The following ABCF3 variants were observed in gnomAD, a reference collection of about 807,000 sequenced individuals.
ABCF3 encodes ATP-binding cassette sub-family F member 3.
A neutral mutation model predicts 94.3 loss-of-function variants in ABCF3; 62 were observed. The observed-to-expected ratio is 0.66, with a 90% confidence interval of 0.54 to 0.81. The LOEUF is 0.81. ABCF3 is among the 40% of genes least tolerant of loss of function. ABCF3 has a pLI of 0.00. For missense variants in ABCF3, 843 were observed against 925.3 expected (o/e 0.91, Z 1.15); for synonymous variants, 355 against 361.1 (o/e 0.98, Z 0.19).
At chr3:184,190,042 A>T in intron 14 of ABCF3, 111 bp downstream of exon 14, 2 of 1,131,838 alleles carry the variant, frequency 1.8e-6, no homozygotes, top group South Asian at 2.6e-5. Flanking sequence ...CTAGAAGCCA[A>T]CTGTGACTTC....
rs769709521 is a variant in ABCF3, at chr3:184,189,772, A to G, written c.1314+15A>G. The G allele has an allele frequency of 1.2e-6, 2 of 1,613,808 alleles. No homozygotes were observed. The highest frequency in any genetic ancestry group is 2.7e-5 in the African/African-American group (2 of 74,950). On this transcript the variant is annotated intron_variant, in intron 13 of 20. Coordinates refer to ENST00000429586, the MANE Select transcript of ABCF3 (RefSeq NM_018358.3). ...AGCACATCCAGGTGTGGGGCCTGGC[A>G]GGGCTGGGGGTCCCATCCCAGGGGT... is the stretch of plus-strand genomic sequence containing the variant.
rs751219521 is a variant in ABCF3, at chr3:184,188,303, T to C, written c.732T>C (p.Ala244=). Residue 244 remains alanine (A), a synonymous_variant, in exon 7 of 21, where the codon GCT becomes GCC. Transcript: ENST00000429586. Reference sequence around the variant, plus strand: ...TGCTGCACGTTGAGCAAGAGGTTGCTGGAGATGACACTCCTGCCCTGCAGA... The same window carrying C: ...TGCTGCACGTTGAGCAAGAGGTTGCCGGAGATGACACTCCTGCCCTGCAGA... ...ISLLHVEQEV[A]GDDTPALQSV... is the part of the protein sequence containing the mutation. 1.2e-6 allele frequency: 2 copies of C among 1,614,138 alleles called. No individual in the cohort carries two copies. The highest frequency in any genetic ancestry group is 2.2e-5 in the East Asian group (1 of 44,878).
Position 184,191,285 on chromosome 3 carries a change from C to T in ABCF3, c.1569+30C>T, listed in dbSNP as rs762646496. 1.2e-5 allele frequency: 20 copies of T among 1,612,442 alleles called. No homozygotes were observed. In the South Asian group the frequency reaches 1.3e-4, roughly 11 times the overall value. On this transcript the variant is annotated intron_variant, in intron 16 of 20. Transcript: ENST00000429586. Reference sequence around the variant, plus strand: ...GGCTGCTGTTTCTCTGTGCTGCGAGCTGGGACTCTCCTGTCTAAGTGTGTG... The same window carrying T: ...GGCTGCTGTTTCTCTGTGCTGCGAGTTGGGACTCTCCTGTCTAAGTGTGTG...
intron 3 of ABCF3, 79 bp from the exon 4 acceptor site, chr3:184,187,317 GC>G (rs1560132378): frequency 6.6e-7 from 1 of 1,523,226 alleles, no homozygotes; most frequent in South Asian, 1.1e-5. Context: ...CTGTGTCTGT[GC>G]CTGGTTCCTA....
In ABCF3 at chr3:184,187,861, A is replaced by C. The variant is rs748846804; in HGVS notation, c.447A>C (p.Leu149=). The C allele has an allele frequency of 6.2e-6, 10 of 1,614,014 alleles. No individual in the cohort carries two copies. Among genetic ancestry groups the C allele is most frequent in the Non-Finnish European group, 8.5e-6 (10 of 1,180,050 alleles). The change falls in exon 6 of 21, where the codon CTA becomes CTC. Residue 149 remains leucine, a splice_region_variant and synonymous_variant. Coordinates refer to ENST00000429586, the MANE Select transcript of ABCF3 (RefSeq NM_018358.3). Reference sequence around the variant, plus strand: ...GAGCTGTCCATTTCTCCCTTTAAAGAGTCTTAGAAGAGGCATCAGCCAGCC... The same window carrying C: ...GAGCTGTCCATTTCTCCCTTTAAAGCGTCTTAGAAGAGGCATCAGCCAGCC... ...EKDTLKTSNP[L]VLEEASASQA...
chr3:184,193,133 G>T lies in ABCF3; in HGVS notation c.1782G>T (p.Leu594=). 1 of 1,552,052 alleles carries T rather than the reference G, an allele frequency of 6.4e-7. No homozygotes were observed. The highest frequency in any genetic ancestry group is 1.2e-5 in the South Asian group (1 of 80,110). Residue 594 remains leucine, a synonymous_variant, in exon 19 of 21, where the codon CTG becomes CTT. Coordinates refer to ENST00000429586, the MANE Select transcript of ABCF3 (RefSeq NM_018358.3). The surrounding 1 kb of genome is among the most constrained non-coding windows in gnomAD (Gnocchi z 5.2). ...CTGAGGAGGAGTACCGTCACCAGCTGGGTCGGTATGGCATCTCCGGAGAAC... is the reference window on the plus strand; with the variant it reads ...CTGAGGAGGAGTACCGTCACCAGCTTGGTCGGTATGGCATCTCCGGAGAAC... ...GRPEEEYRHQ[L]GRYGISGELA... is the part of the protein sequence containing the mutation.
chr3:184,190,027 C>T, intron 14 of ABCF3, 96 bp downstream of exon 14: 1 of 1,335,608 alleles, frequency 7.5e-7, no homozygotes. Context: ...TAGGTCTCCC[C>T]TTCGCTAGAA....
In ABCF3 at chr3:184,193,866, C is replaced by A; in HGVS notation, c.*168C>A. The A allele has an allele frequency of 1.1e-6, 1 of 942,376 alleles. No individual in the cohort carries two copies. Among genetic ancestry groups the A allele is most frequent in the Non-Finnish European group, 1.5e-6 (1 of 653,594 alleles). 58.4% of individuals were successfully genotyped at this position (942,376 alleles called of 1,614,324 possible). A position where few individuals can be genotyped will look rare whatever the true frequency, so the allele number is the denominator to read the frequency against. ...AGCATCTTCTGCACAACCTTGGGAGCCCATCCAAGGGTTGGTGAGGACTGG... is the reference window on the plus strand; with the variant it reads ...AGCATCTTCTGCACAACCTTGGGAGACCATCCAAGGGTTGGTGAGGACTGG... On this transcript the variant is annotated 3_prime_UTR_variant, in exon 21 of 21. Coordinates refer to ENST00000429586, the MANE Select transcript of ABCF3 (RefSeq NM_018358.3). The surrounding 1 kb of genome is among the most constrained non-coding windows in gnomAD (Gnocchi z 5.2).
intron 6 of ABCF3, 29 bp downstream of exon 6, chr3:184,188,012 C>G (rs746854914): frequency 1.1e-5 from 17 of 1,613,420 alleles, no homozygotes; most frequent in Admixed American, 1.7e-5. Flanking sequence ...CAGGGGTTGG[C>G]TTTCTTTTTC....
chr3:184,187,811 G>C (rs1358155973), intron 5 of ABCF3, 50 bp downstream of exon 5: 1 of 1,614,132 alleles, frequency 6.2e-7, no homozygotes, highest in Admixed American at 1.7e-5. Flanking sequence ...CTTTTGCCTG[G>C]ACAGAAGGTG....
chr3:184,187,154 T>G, intron 3 of ABCF3: 1 of 634,906 alleles, frequency 1.6e-6, no homozygotes, highest in Non-Finnish European at 2.7e-6. Context: ...ACCAGCTGCA[T>G]GATCTTGTAA....
Position 184,189,128 on chromosome 3 carries a change from C to T in ABCF3, c.1018C>T (p.Arg340Trp), listed in dbSNP as rs150245456. 2.5e-3 allele frequency: 4,049 copies of T among 1,614,156 alleles called. 7 individuals carry two copies. Among genetic ancestry groups the T allele is most frequent in the Non-Finnish European group, 3.2e-3 (3,774 of 1,180,022 alleles). The change falls in exon 10 of 21, where the codon CGG becomes TGG. Residue 340 changes from arginine (R) to tryptophan (W), a missense_variant. By Grantham distance (101) the Arg-to-Trp change is moderately radical. Transcript: ENST00000429586. ...GGWRMRLALA[R>W]ALFARPDLLL... ...CTGGAGGATGAGGCTGGCCCTGGCC[C>T]GGGCCCTCTTTGCTAGGTGAGTCTC... is the stretch of plus-strand genomic sequence containing the variant.
At chr3:184,187,218 G>C (rs1233580297) in intron 3 of ABCF3, 179 bp from the exon 4 acceptor site, 1 of 671,762 alleles carries the variant, frequency 1.5e-6, no homozygotes, top group Non-Finnish European at 2.5e-6. Flanking sequence ...TTCTACGTGA[G>C]TTTTGTTTTG....
At position 184,193,491 on chromosome 3, in the gene ABCF3, C is replaced by T. The variant is rs757126897; in HGVS notation, c.1971+39C>T. ...CACCCTGACCACTCCTCCCAGGCCT[C>T]GGTGCCTCTTGTGTCCCCCTGAGCA... On this transcript the variant is annotated intron_variant, in intron 20 of 20. Coordinates refer to ENST00000429586, the MANE Select transcript of ABCF3 (RefSeq NM_018358.3). The surrounding 1 kb of genome is among the most constrained non-coding windows in gnomAD (Gnocchi z 5.2). The T allele has an allele frequency of 2.2e-5, 36 of 1,613,982 alleles. 1 individual carries two copies. The South Asian group carries it at 2.4e-4, about 11-fold the overall frequency.
At position 184,193,521 on chromosome 3, in the gene ABCF3, C is replaced by T; in HGVS notation, c.1972-19C>T. ...CCTCTTGTGTCCCCCTGAGCACCTCCTGCCCTCCTGTCTTTCAGGGTGGTG... is the reference window on the plus strand; with the variant it reads ...CCTCTTGTGTCCCCCTGAGCACCTCTTGCCCTCCTGTCTTTCAGGGTGGTG... On this transcript the variant is annotated intron_variant, in intron 20 of 20. Transcript: ENST00000429586. The surrounding 1 kb of genome is among the most constrained non-coding windows in gnomAD (Gnocchi z 5.2). The T allele has an allele frequency of 6.2e-7, 1 of 1,614,162 alleles. No homozygotes were observed. The highest frequency in any genetic ancestry group is 8.5e-7 in the Non-Finnish European group (1 of 1,179,998).
In ABCF3 at chr3:184,186,623, G is replaced by T. The variant is rs1937352236; in HGVS notation, c.190G>T (p.Val64Leu). ...DSKDDAGIRA[V>L]CQRMYNTLRL... Reference sequence around the variant, plus strand: ...CAAGGATGACGCGGGCATCAGGGCCGTGTGCCAGCGCATGTACAACACTCT... The same window carrying T: ...CAAGGATGACGCGGGCATCAGGGCCTTGTGCCAGCGCATGTACAACACTCT... Residue 64 changes from valine to leucine, a missense_variant, in exon 2 of 21, where the codon GTG (valine) becomes TTG (leucine). Transcript: ENST00000429586. 1 of 1,612,472 alleles carries T rather than the reference G, an allele frequency of 6.2e-7. No individual in the cohort carries two copies.
chr3:184,188,179 G>A lies in ABCF3; in HGVS notation c.608G>A (p.Gly203Asp), dbSNP rs1715764586. 1.2e-6 allele frequency: 2 copies of A among 1,613,866 alleles called. No homozygotes were observed. The highest frequency in any genetic ancestry group is 1.3e-5 in the African/African-American group (1 of 74,950). Reference protein sequence around the residue: ...LAGADVNLAWGRRYGLVGRNG... With the variant: ...LAGADVNLAWDRRYGLVGRNG... ...GGAGCGGATGTGAACCTGGCATGGG[G>A]CCGCCGTTACGGGCTGGTGGGGCGG... The change falls in exon 7 of 21, where the codon GGC becomes GAC. Residue 203 changes from glycine (G) to aspartate (D), a missense_variant. Coordinates refer to ENST00000429586, the MANE Select transcript of ABCF3 (RefSeq NM_018358.3).
intron 4 of ABCF3, 72 bp from the exon 5 acceptor site, chr3:184,187,592 C>G: frequency 6.3e-7 from 1 of 1,577,692 alleles, no homozygotes; most frequent in Non-Finnish European, 8.7e-7. Context: ...AGGGTTTACT[C>G]GAGATGTTCT....
At chr3:184,188,554 T>G (rs751949491) in intron 7 of ABCF3, 147 bp downstream of exon 7, 1 of 1,160,456 alleles carries the variant, frequency 8.6e-7, no homozygotes, top group Non-Finnish European at 1.2e-6. Context: ...GCCCTTGTTC[T>G]TTCCACAGTG....
Sources: gnomAD v4.1 joint callset for allele counts on GRCh38, gnomAD v4.1.1 for gene constraint, Gnocchi (gnomAD v3.1) non-coding constraint, MANE v1.5 for transcripts, NCBI Gene and HGNC (gene_info 2026-07-23, HGNC 2026-07-21) for gene names.